ANKS1B: variants seen among roughly 807,000 people sequenced by gnomAD.
The protein encoded by ANKS1B is ankyrin repeat and sterile alpha motif domain containing 1B.
Under a neutral mutation model 148.3 loss-of-function variants are expected in ANKS1B, and 36 were observed. The observed-to-expected ratio is 0.24, with a 90% confidence interval of 0.19 to 0.32. The LOEUF (loss-of-function observed/expected upper bound fraction) is 0.32. ANKS1B is among the 10% of genes least tolerant of loss of function. The pLI, the probability that ANKS1B is intolerant of heterozygous loss-of-function variation, is 1.00. For missense variants in ANKS1B, 1,157 were observed against 1,542.6 expected (o/e 0.75, Z 4.19); for synonymous variants, 542 against 560.8 (o/e 0.97, Z 0.47).
intron 11 of ANKS1B, among the ~76,000 whole-genome samples, chr12:99,404,319 A>G (rs2094482234): frequency 6.8e-6 from 1 of 146,214 alleles, no homozygotes; most frequent in East Asian, 1.9e-4. Context: ...TGAACTCAAA[A>G]TAGAAGTTAC....
At chr12:98,810,892 G>A (rs549860359) in intron 19 of ANKS1B, among the ~76,000 whole-genome samples, 26 of 152,326 alleles carry the variant, frequency 1.7e-4, no homozygotes, top group African/African-American at 6.0e-4. Flanking sequence ...AAAAAGCCCG[G>A]GGTGGATAAG....
chr12:99,423,137 A>G (rs1256961494), intron 11 of ANKS1B, among the ~76,000 whole-genome samples: 1 of 152,196 alleles, frequency 6.6e-6, no homozygotes, highest in Non-Finnish European at 1.5e-5. Context: ...GTTGGCATGC[A>G]AGCTAACTGG....
chr12:99,895,982 A>G lies in ANKS1B; in HGVS notation c.135-70593T>C, dbSNP rs572808879. Among the ~76,000 whole-genome samples, 3 of 151,166 alleles carry G rather than the reference A, an allele frequency of 2.0e-5. No homozygotes were observed. In the South Asian group the frequency reaches 6.3e-4, roughly 32 times the overall value. On this transcript the variant is annotated intron_variant, in intron 1 of 26. Transcript: ENST00000683438. ...GGCTATTTTTTAATTGTATCTCTTT[A>G]AGGTATATAACATGATGTTTTGATA...
intron 1 of ANKS1B, among the ~76,000 whole-genome samples, chr12:99,829,304 C>A (rs1809774611): frequency 6.6e-6 from 1 of 151,684 alleles, no homozygotes; most frequent in African/African-American, 2.4e-5. Flanking sequence ...CGAGTGAGGT[C>A]AGGAGTTTGA....
intron 12 of ANKS1B, among the ~76,000 whole-genome samples, chr12:99,383,839 C>A (rs1478474957): frequency 6.8e-6 from 1 of 146,164 alleles, no homozygotes; most frequent in African/African-American, 2.6e-5. Context: ...GTGGTGAAAC[C>A]CCATCTCTAC....
chr12:99,286,349 A>G (rs536803945), intron 12 of ANKS1B, among the ~76,000 whole-genome samples: 2 of 152,034 alleles, frequency 1.3e-5, no homozygotes, highest in East Asian at 3.9e-4. Flanking sequence ...GTCCTGGCAG[A>G]ATTCATCACC....
At chr12:99,550,469 T>C (rs1243591942) in intron 9 of ANKS1B, among the ~76,000 whole-genome samples, 1 of 151,924 alleles carries the variant, frequency 6.6e-6, no homozygotes, top group Non-Finnish European at 1.5e-5. Flanking sequence ...ACTAAAAATA[T>C]ACAAGTTAGC....
intron 10 of ANKS1B, among the ~76,000 whole-genome samples, chr12:99,472,294 A>G (rs148346181): frequency 9.2e-5 from 14 of 152,212 alleles, no homozygotes; most frequent in Non-Finnish European, 1.9e-4. Context: ...GTCAGTCAGT[A>G]ACTGATGTTT....
At chr12:98,740,322 G>C (rs1304209953), downstream of ANKS1B, among the ~76,000 whole-genome samples, 1 of 152,152 alleles carries the variant, frequency 6.6e-6, no homozygotes, top group Non-Finnish European at 1.5e-5. Flanking sequence ...TCTCACCCTT[G>C]ATGCCCAACC....
intron 17 of ANKS1B, chr12:98,894,949 G>C (rs1324023826): frequency 1.2e-6 from 1 of 865,214 alleles, no homozygotes; most frequent in East Asian, 1.2e-4. Flanking sequence ...GCGCGCCCTC[G>C]CACCCGCCCG....
chr12:99,354,890 T>C (rs1316179031), intron 12 of ANKS1B, among the ~76,000 whole-genome samples: 2 of 152,014 alleles, frequency 1.3e-5, no homozygotes, highest in African/African-American at 4.8e-5. Flanking sequence ...GGGAGGGTAT[T>C]AGCATATCCA....
At chr12:99,166,417 G>A (rs1438579672) in intron 14 of ANKS1B, among the ~76,000 whole-genome samples, 2 of 151,780 alleles carry the variant, frequency 1.3e-5, no homozygotes, top group Non-Finnish European at 3.0e-5. Flanking sequence ...TAATAAGTGA[G>A]TTTAGCAGAG....
chr12:99,556,311 A>G (rs1053156490), intron 9 of ANKS1B, among the ~76,000 whole-genome samples: 1 of 150,904 alleles, frequency 6.6e-6, no homozygotes, highest in Non-Finnish European at 1.5e-5. Context: ...GTTTATTTGG[A>G]TCTTCTCTCT....
chr12:98,755,769 C>T (rs1463072865), intron 25 of ANKS1B, among the ~76,000 whole-genome samples: 1 of 152,078 alleles, frequency 6.6e-6, no homozygotes, highest in Non-Finnish European at 1.5e-5. Flanking sequence ...TTGACATGAC[C>T]CAATATCTGT....
chr12:99,402,059 T>C (rs1169665806), intron 11 of ANKS1B, among the ~76,000 whole-genome samples: 1 of 146,512 alleles, frequency 6.8e-6, no homozygotes, highest in Non-Finnish European at 1.5e-5. Flanking sequence ...AGAGAAAATA[T>C]TTGGCCACTC....
chr12:99,106,452 AT>A (rs2059241841), intron 15 of ANKS1B, among the ~76,000 whole-genome samples: 1 of 152,244 alleles, frequency 6.6e-6, no homozygotes, highest in African/African-American at 2.4e-5. Context: ...CATGTTTTGA[AT>A]TTCGTCTTGA....
chr12:99,148,828 G>A (rs1239673540), intron 15 of ANKS1B, among the ~76,000 whole-genome samples: 1 of 152,062 alleles, frequency 6.6e-6, no homozygotes. Context: ...TTAAATGCCG[G>A]CAGTTGAAAA....
chr12:99,065,462 C>A (rs765119299), intron 16 of ANKS1B, among the ~76,000 whole-genome samples: 1 of 152,138 alleles, frequency 6.6e-6, no homozygotes, highest in Non-Finnish European at 1.5e-5. Flanking sequence ...TAGCAGTACA[C>A]AAATGAATGA....
At chr12:98,967,055 G>C (rs1405605312) in intron 17 of ANKS1B, among the ~76,000 whole-genome samples, 1 of 152,014 alleles carries the variant, frequency 6.6e-6, no homozygotes. Flanking sequence ...AAAAAATGTA[G>C]TCAATTGTGG....
Sources: allele counts gnomAD v4.1 joint callset (sites outside exome capture counted in the v4.1 genomes callset), GRCh38; gene constraint gnomAD v4.1.1; transcripts MANE v1.5; gene names NCBI Gene and HGNC (gene_info 2026-07-23, HGNC 2026-07-21).